Variants in DNAH14 observed in about 807,000 individuals in gnomAD.
DNAH14 encodes the protein dynein axonemal heavy chain 14.
DNAH14 carries 478 observed loss-of-function variants against 520.9 expected under a neutral mutation model. The ratio of observed to expected loss-of-function variants is 0.92; its 90% CI spans 0.85 to 0.99. The LOEUF (loss-of-function observed/expected upper bound fraction) is 0.99. Among genes scored for constraint, DNAH14 ranks in the 50% least tolerant of loss-of-function variants. The pLI is 0.00. For missense variants in DNAH14, 4,831 were observed against 5,234.5 expected (o/e 0.92, Z 2.38); for synonymous variants, 1,581 against 1,757.2 (o/e 0.90, Z 2.51).
chr1:225,303,403 A>G, intron 57 of DNAH14, 56 bp downstream of exon 57: 15 of 1,463,748 alleles, frequency 1.0e-5, no homozygotes, highest in Admixed American at 2.3e-5. Context: ...TGATGGTATT[A>G]TGCCTCTGAA....
chr1:225,252,347 G>A lies in DNAH14; in HGVS notation c.6795G>A (p.Val2265=), dbSNP rs1188852585. 37 of 1,549,704 alleles carry A rather than the reference G, an allele frequency of 2.4e-5. No homozygotes were observed. The highest frequency in any genetic ancestry group is 3.1e-5 in the Non-Finnish European group (35 of 1,145,986). ...TGECSIFGYF[V]DIEQCEFIPW... ...AATGTTCCATCTTTGGATATTTTGTGGATATAGAGCAATGTGAATTCATAC... is the reference window on the plus strand; with the variant it reads ...AATGTTCCATCTTTGGATATTTTGTAGATATAGAGCAATGTGAATTCATAC... Residue 2265 remains valine (V), a synonymous_variant, in exon 44 of 86, where the codon GTG becomes GTA. Coordinates refer to ENST00000682510, the MANE Select transcript of DNAH14 (RefSeq NM_001367479.1).
chr1:225,393,825 GT>G (rs1220116893), intron 84 of DNAH14, among the ~76,000 whole-genome samples: 12 of 125,574 alleles, frequency 9.6e-5, no homozygotes, highest in South Asian at 2.6e-4. Flanking sequence ...TTTTTTTTTT[GT>G]TTTTTTTTTT....
chr1:225,219,985 A>T (rs1276949683), intron 41 of DNAH14, among the ~76,000 whole-genome samples: 2 of 152,210 alleles, frequency 1.3e-5, no homozygotes, highest in African/African-American at 4.8e-5. Flanking sequence ...CATCTCTGGG[A>T]TGCAAGGCTG....
intron 21 of DNAH14, among the ~76,000 whole-genome samples, chr1:225,090,984 G>A (rs2074332888): frequency 6.6e-6 from 1 of 151,944 alleles, no homozygotes; most frequent in Admixed American, 6.6e-5. Context: ...TCTGATAAAG[G>A]ACTTGTATCC....
chr1:225,127,098 T>C (rs1245386116), intron 27 of DNAH14, among the ~76,000 whole-genome samples: 2 of 152,124 alleles, frequency 1.3e-5, no homozygotes, highest in Admixed American at 6.6e-5. Context: ...TCTGTTCTTT[T>C]ACATTTGCTG....
At chr1:225,294,637 A>G (rs2093965527) in intron 55 of DNAH14, among the ~76,000 whole-genome samples, 1 of 152,158 alleles carries the variant, frequency 6.6e-6, no homozygotes, top group Non-Finnish European at 1.5e-5. Context: ...CCTGGCCAAC[A>G]TGGTGAAACC....
intron 23 of DNAH14, among the ~76,000 whole-genome samples, chr1:225,105,540 T>C (rs995244719): frequency 6.6e-6 from 1 of 152,248 alleles, no homozygotes; most frequent in Non-Finnish European, 1.5e-5. Flanking sequence ...TCTAAGTCTC[T>C]AAGGACTTGC....
chr1:225,364,697 G>A (rs186418560), intron 75 of DNAH14, 95 bp from the exon 76 acceptor site: 22 of 853,074 alleles, frequency 2.6e-5, no homozygotes, highest in East Asian at 1.1e-4. Flanking sequence ...AAAATGATTC[G>A]TAAGGCCACT....
intron 52 of DNAH14, among the ~76,000 whole-genome samples, chr1:225,274,869 G>C (rs925868643): frequency 2.0e-5 from 3 of 151,996 alleles, no homozygotes; most frequent in African/African-American, 7.3e-5. Context: ...TCACTTAATC[G>C]GTCAGTTGAT....
intron 41 of DNAH14, among the ~76,000 whole-genome samples, chr1:225,224,870 T>C (rs1037193725): frequency 2.0e-5 from 3 of 152,188 alleles, no homozygotes; most frequent in Non-Finnish European, 4.4e-5. Context: ...ACTGTATTTA[T>C]TGCAGAACCT....
intron 37 of DNAH14, among the ~76,000 whole-genome samples, chr1:225,190,462 C>T (rs2085286191): frequency 6.6e-6 from 1 of 151,912 alleles, no homozygotes; most frequent in East Asian, 1.9e-4. Context: ...TTAAAACTTA[C>T]AAATTGTTTA....
At chr1:225,345,769 C>T (rs937355172) in intron 69 of DNAH14, among the ~76,000 whole-genome samples, 193 bp from the exon 70 acceptor site, 3 of 151,956 alleles carry the variant, frequency 2.0e-5, no homozygotes, top group East Asian at 1.9e-4. Context: ...GTGAGGTGTA[C>T]GTACTATTAA....
intron 41 of DNAH14, among the ~76,000 whole-genome samples, chr1:225,211,873 AATTTATTTATTTATTTATTT>A (rs201563428): frequency 2.0e-5 from 3 of 147,180 alleles, no homozygotes; most frequent in Admixed American, 6.8e-5. Flanking sequence ...TTCAACCCAG[AATTTATTTATTTATTTATTT>A]ATTTATTTAT....
chr1:225,212,991 T>C (rs933693137), intron 41 of DNAH14, among the ~76,000 whole-genome samples: 1 of 152,238 alleles, frequency 6.6e-6, no homozygotes, highest in Non-Finnish European at 1.5e-5. Flanking sequence ...CCCATGCCTA[T>C]GTCCTGAATG....
intron 1 of DNAH14, among the ~76,000 whole-genome samples, chr1:224,934,090 C>T (rs772254559): frequency 5.9e-5 from 9 of 151,882 alleles, no homozygotes; most frequent in Non-Finnish European, 1.3e-4. Context: ...ACACCAGATG[C>T]ACAGATATCA....
chr1:225,187,617 G>A (rs996497907), intron 37 of DNAH14, among the ~76,000 whole-genome samples: 1 of 151,822 alleles, frequency 6.6e-6, no homozygotes, highest in Non-Finnish European at 1.5e-5. Context: ...AGCAATGTAT[G>A]AGGCTTTCTG....
At chr1:225,223,688 A>G (rs1437378377) in intron 41 of DNAH14, among the ~76,000 whole-genome samples, 1 of 152,162 alleles carries the variant, frequency 6.6e-6, no homozygotes. Flanking sequence ...GACGACTTCT[A>G]TACTATTCCC....
chr1:225,060,608 A>T lies in DNAH14; in HGVS notation c.2424+8813A>T, dbSNP rs879218883. On this transcript the variant is annotated intron_variant, in intron 17 of 85. Transcript: ENST00000682510. ...AGGCACTCTGATTTTTAGAGTTTCC[A>T]GTTTTTCTGCTCTGTTTTTTCCCTA... is the stretch of plus-strand genomic sequence containing the variant. Among the ~76,000 whole-genome samples, 4 of 151,322 alleles carry T rather than the reference A, an allele frequency of 2.6e-5. No individual in the cohort carries two copies. In the South Asian group the frequency reaches 8.4e-4, roughly 32 times the overall value.
chr1:225,008,991 G>T (rs1304482742), intron 10 of DNAH14, among the ~76,000 whole-genome samples: 2 of 151,984 alleles, frequency 1.3e-5, no homozygotes, highest in African/African-American at 4.8e-5. Context: ...TAAGTTCTTT[G>T]TAGATTCTGG....
Sources: gnomAD v4.1 joint callset for allele counts (sites outside exome capture counted in the v4.1 genomes callset) on GRCh38, gnomAD v4.1.1 for gene constraint, MANE v1.5 for transcripts, NCBI Gene and HGNC (gene_info 2026-07-23, HGNC 2026-07-21) for gene names.